The following SMOC2 variants were observed in gnomAD, a reference collection of about 807,000 sequenced individuals.
SMOC2 encodes the protein SPARC related modular calcium binding 2.
In SMOC2, 39 loss-of-function variants were observed where a neutral mutation model predicts 61.4. The observed-to-expected ratio is 0.64, with a 90% confidence interval of 0.49 to 0.83. The LOEUF is 0.83. SMOC2 is among the 40% of genes least tolerant of loss of function. The pLI, the probability that SMOC2 is intolerant of heterozygous loss-of-function variation, is 0.00. For synonymous variants in SMOC2, 247 were observed against 239.9 expected, an observed-to-expected ratio of 1.03 and a Z score of -0.27; for missense variants, 556 against 592.9, an observed-to-expected ratio of 0.94 and a Z score of 0.65.
At chr6:168,659,991 G>T (rs796544130) in intron 11 of SMOC2, among the ~76,000 whole-genome samples, 2 of 5,880 alleles carry the variant, frequency 3.4e-4, no homozygotes, top group African/African-American at 5.3e-4. Flanking sequence ...AGTGAGGGTG[G>T]AGGTTGTTGT....
intron 1 of SMOC2, among the ~76,000 whole-genome samples, chr6:168,459,787 C>A (rs550920660): frequency 0.01 from 1,354 of 134,634 alleles, 28 homozygotes; most frequent in African/African-American, 0.036. Context: ...GGTGGTGAGC[C>A]CTCTGGTGGG....
intron 7 of SMOC2, among the ~76,000 whole-genome samples, chr6:168,595,243 C>T: frequency 8.3e-6 from 1 of 120,338 alleles, no homozygotes; most frequent in Non-Finnish European, 1.8e-5. Context: ...CTTCCTGAGG[C>T]CTCACGGGCA....
intron 2 of SMOC2, among the ~76,000 whole-genome samples, chr6:168,518,922 AGT>A (rs779295374): frequency 4.4e-4 from 62 of 140,696 alleles, no homozygotes; most frequent in Middle Eastern, 8.4e-3. Flanking sequence ...AGTGAGCATG[AGT>A]GTGCGTGCAT....
chr6:168,613,388 G>T (rs1025583136), intron 9 of SMOC2, among the ~76,000 whole-genome samples: 1 of 152,148 alleles, frequency 6.6e-6, no homozygotes, highest in Non-Finnish European at 1.5e-5. Context: ...GGAGCCCCTT[G>T]GGGAGCCTGG....
intron 8 of SMOC2, among the ~76,000 whole-genome samples, chr6:168,599,749 C>T (rs1459967731): frequency 1.7e-4 from 24 of 138,948 alleles, no homozygotes; most frequent in Middle Eastern, 3.9e-3. Flanking sequence ...CTCATACCCA[C>T]ACTCATACAA....
At chr6:168,532,260 T>C (rs1204781516) in intron 4 of SMOC2, among the ~76,000 whole-genome samples, 1 of 152,094 alleles carries the variant, frequency 6.6e-6, no homozygotes, top group Non-Finnish European at 1.5e-5. Flanking sequence ...GCTGCCCCGG[T>C]GTTCAAGGAA....
chr6:168,530,473 G>A (rs1200946621), intron 4 of SMOC2, among the ~76,000 whole-genome samples: 2 of 152,128 alleles, frequency 1.3e-5, no homozygotes, highest in African/African-American at 4.8e-5. Flanking sequence ...CGAGCAGGCA[G>A]CATTTTATTT....
At chr6:168,558,871 A>ATG (rs149329004) in intron 7 of SMOC2, among the ~76,000 whole-genome samples, 74,562 of 148,664 alleles carry the variant, frequency 0.5, 20,228 homozygotes, top group African/African-American at 0.76. Context: ...ATGTGTGTGC[A>ATG]TGTGTGTGCG....
chr6:168,464,138 C>CT (rs150614708), intron 1 of SMOC2, among the ~76,000 whole-genome samples: 9,607 of 139,846 alleles, frequency 0.069, 376 homozygotes, highest in Non-Finnish European at 0.093. Flanking sequence ...CTGCAGTGTG[C>CT]TGAGATCATG....
rs187615144 is a variant in SMOC2, at chr6:168,665,401, G to A, written c.1324-1020G>A. 4.7e-3 allele frequency among the ~76,000 whole-genome samples: 723 copies of A among 152,366 alleles called. 3 individuals are homozygous for A. The highest frequency in any genetic ancestry group is 0.016 in the African/African-American group (675 of 41,592). ...AAGCCAGCTGCGGCTCCTACCGGCCGTGGCCATTGAAGGCCACCATGTTGC... is the reference window on the plus strand; with the variant it reads ...AAGCCAGCTGCGGCTCCTACCGGCCATGGCCATTGAAGGCCACCATGTTGC... On this transcript the variant is annotated intron_variant, in intron 12 of 12. Coordinates refer to ENST00000356284, the MANE Select transcript of SMOC2 (RefSeq NM_001166412.2).
intron 1 of SMOC2, among the ~76,000 whole-genome samples, chr6:168,484,212 G>A (rs564103836): frequency 1.6e-4 from 24 of 152,038 alleles, no homozygotes; most frequent in South Asian, 1.2e-3. Context: ...ATAAATATCC[G>A]GAATATACAG....
At chr6:168,489,378 G>C (rs1477260633) in intron 1 of SMOC2, among the ~76,000 whole-genome samples, 28 of 147,106 alleles carry the variant, frequency 1.9e-4, no homozygotes, top group Non-Finnish European at 7.5e-5. Context: ...GGTCCCCTTG[G>C]ATCACACTGT....
intron 12 of SMOC2, among the ~76,000 whole-genome samples, chr6:168,666,022 T>C (rs1327845833): frequency 6.6e-6 from 1 of 152,020 alleles, no homozygotes; most frequent in Non-Finnish European, 1.5e-5. Context: ...AGAGGTAAAC[T>C]AGTGAACAAA....
intron 1 of SMOC2, among the ~76,000 whole-genome samples, chr6:168,508,174 T>C (rs1029971489): frequency 1.2e-4 from 19 of 152,248 alleles, no homozygotes; most frequent in African/African-American, 4.6e-4. Context: ...TCTCTGTTTT[T>C]AATTCTTTTA....
chr6:168,631,653 G>C (rs1425324574), intron 9 of SMOC2, among the ~76,000 whole-genome samples: 1 of 152,082 alleles, frequency 6.6e-6, no homozygotes, highest in Non-Finnish European at 1.5e-5. Context: ...GCTTGTTTCT[G>C]GTTGGTTGTG....
In SMOC2 at chr6:168,651,779, G is replaced by T. The variant is rs561335550; in HGVS notation, c.1010+996G>T. On this transcript the variant is annotated intron_variant, in intron 10 of 12. Coordinates refer to ENST00000356284, the MANE Select transcript of SMOC2 (RefSeq NM_001166412.2). ...GAGCAGGCCGGGCGCAGGGGCTCAC[G>T]CCTGTAATCCCAACACTTTGGCAGG... 2.6e-5 allele frequency among the ~76,000 whole-genome samples: 4 copies of T among 152,282 alleles called. No homozygotes were observed. In the East Asian group the frequency reaches 7.7e-4, roughly 29 times the overall value.
In SMOC2 at chr6:168,495,758, C is replaced by T. The variant is rs546104087; in HGVS notation, c.85-14157C>T. On this transcript the variant is annotated intron_variant, in intron 1 of 12. Transcript: ENST00000356284. ...TAGCTCATGGCTTCACTCACCTGCG[C>T]GGTTCCCTGGCAGCCTCACCCACCT... 6.6e-5 allele frequency among the ~76,000 whole-genome samples: 10 copies of T among 152,270 alleles called. No homozygotes were observed. In the East Asian group the frequency reaches 1.4e-3, roughly 21 times the overall value.
intron 9 of SMOC2, among the ~76,000 whole-genome samples, chr6:168,611,927 G>A (rs1021343611): frequency 3.3e-5 from 5 of 152,308 alleles, no homozygotes; most frequent in Middle Eastern, 3.4e-3. Flanking sequence ...GGGGCACAGC[G>A]TGTGGTGTGG....
intron 7 of SMOC2, among the ~76,000 whole-genome samples, chr6:168,587,352 A>G (rs1370322875): frequency 3.3e-5 from 5 of 152,234 alleles, no homozygotes; most frequent in African/African-American, 1.2e-4. Flanking sequence ...TATTTTGCCA[A>G]GGGTATGGAT....
Sources: allele counts gnomAD v4.1 joint callset (sites outside exome capture counted in the v4.1 genomes callset), GRCh38; gene constraint gnomAD v4.1.1; transcripts MANE v1.5; gene names NCBI Gene and HGNC (gene_info 2026-07-23, HGNC 2026-07-21).